Variants in ASF1B observed in about 807,000 individuals in gnomAD.
ASF1B encodes the protein anti-silencing function 1B histone chaperone, also known as histone chaperone ASF1B.
In ASF1B, 10 loss-of-function variants were observed where a neutral mutation model predicts 16.6. The ratio of observed to expected loss-of-function variants is 0.60; its 90% CI spans 0.37 to 1.02. The LOEUF (loss-of-function observed/expected upper bound fraction) is 1.02, where lower values mean the gene tolerates loss of function less well. Among genes scored for constraint, ASF1B ranks in the 50% least tolerant of loss-of-function variants. The probability of loss-of-function intolerance (pLI) is 0.01; values close to 1 mark genes in which losing one functional copy is unlikely to be tolerated. For synonymous variants in ASF1B, 101 were observed against 106.2 expected (o/e 0.95, Z 0.30); for missense variants, 240 against 266.0 (o/e 0.90, Z 0.68).
In ASF1B at chr19:14,126,207, G is replaced by A. The variant is rs1430857776; in HGVS notation, c.140C>T (p.Ser47Leu). The change falls in exon 2 of 4, where the codon TCG (serine) becomes TTG (leucine). Residue 47 changes from serine (S) to leucine (L), a missense_variant. Transcript: ENST00000263382. ...CTGATCAAATTCCTCACTCTCAGCC[G>A]AGCCAACATAAATGATCTTCCACTC... ...DLEWKIIYVG[S>L]AESEEFDQIL... 15 of 1,613,418 alleles carry A rather than the reference G, an allele frequency of 9.3e-6. No individual in the cohort carries two copies. The highest frequency in any genetic ancestry group is 1.7e-5 in the Admixed American group (1 of 60,020).
chr19:14,124,687 C>G (rs1260083690), intron 2 of ASF1B, among the ~76,000 whole-genome samples: 2 of 152,216 alleles, frequency 1.3e-5, no homozygotes, highest in East Asian at 3.8e-4. Flanking sequence ...CTGTTCCCAC[C>G]TGAGGTCAAA....
At chr19:14,120,842 C>T (rs1348774598) in intron 3 of ASF1B, among the ~76,000 whole-genome samples, 177 bp from the exon 4 acceptor site, 12 of 151,980 alleles carry the variant, frequency 7.9e-5, no homozygotes, top group South Asian at 2.1e-4. Context: ...TTTTTTGAGA[C>T]GGAGTTTTGC....
intron 1 of ASF1B, among the ~76,000 whole-genome samples, chr19:14,131,229 G>A (rs2144518321): frequency 6.7e-6 from 1 of 149,292 alleles, no homozygotes; most frequent in African/African-American, 2.5e-5. Flanking sequence ...CTGTCACCCA[G>A]GTTGGAGTGC....
chr19:14,134,494 G>A (rs1967455939), intron 1 of ASF1B, among the ~76,000 whole-genome samples: 1 of 151,782 alleles, frequency 6.6e-6, no homozygotes, highest in Non-Finnish European at 1.5e-5. Flanking sequence ...AGCATATCCT[G>A]GCTTCACAGG....
intron 1 of ASF1B, among the ~76,000 whole-genome samples, chr19:14,129,243 C>G (rs923188620): frequency 1.3e-5 from 2 of 151,824 alleles, no homozygotes; most frequent in South Asian, 4.2e-4. Flanking sequence ...GACAGAGACC[C>G]TATCTCAAAG....
intron 1 of ASF1B, among the ~76,000 whole-genome samples, chr19:14,128,397 G>C (rs888565043): frequency 6.6e-6 from 1 of 152,130 alleles, no homozygotes; most frequent in African/African-American, 2.4e-5. Flanking sequence ...GAACCCTATA[G>C]CAGGTCTGTA....
chr19:14,135,330 A>G (rs1301540924), intron 1 of ASF1B, among the ~76,000 whole-genome samples: 1 of 152,126 alleles, frequency 6.6e-6, no homozygotes, highest in East Asian at 1.9e-4. Flanking sequence ...AGAACTAGCT[A>G]ATGCCTGCCT....
Position 14,120,335 on chromosome 19 carries a change from G to T in ASF1B, c.*124C>A. 1 of 916,676 alleles carries T rather than the reference G, an allele frequency of 1.1e-6. No homozygotes were observed. Among genetic ancestry groups the T allele is most frequent in the Non-Finnish European group, 1.7e-6 (1 of 605,180 alleles). The allele number at this position is 916,676 out of a possible 1,614,324, so 56.8% of individuals were successfully genotyped here. Reference sequence around the variant, plus strand: ...ACCCAAGGCCTGTTCTTTCCTAGGGGCTGAGTTTGACAGACCTGGATTGCA... The same window carrying T: ...ACCCAAGGCCTGTTCTTTCCTAGGGTCTGAGTTTGACAGACCTGGATTGCA... On this transcript the variant is annotated 3_prime_UTR_variant, in exon 4 of 4. Transcript: ENST00000263382.
Position 14,120,262 on chromosome 19 carries a change from G to A in ASF1B, c.*197C>T. The A allele has an allele frequency of 5.3e-6, 3 of 567,650 alleles. No individual in the cohort carries two copies. The South Asian group carries it at 7.2e-5, about 14-fold the overall frequency. 35.2% of individuals were successfully genotyped at this position (567,650 alleles called of 1,614,324 possible). A position where few individuals can be genotyped will look rare whatever the true frequency, so the allele number is the denominator to read the frequency against. ...GAACTGAAGTACCTGCTTCTTATAGGCCTGTAGAGGAAAAGCGAGATCATC... is the reference window on the plus strand; with the variant it reads ...GAACTGAAGTACCTGCTTCTTATAGACCTGTAGAGGAAAAGCGAGATCATC... On this transcript the variant is annotated 3_prime_UTR_variant, in exon 4 of 4. Coordinates refer to ENST00000263382, the MANE Select transcript of ASF1B (RefSeq NM_018154.3).
chr19:14,128,118 G>A (rs1205966428), intron 1 of ASF1B, among the ~76,000 whole-genome samples: 1 of 151,400 alleles, frequency 6.6e-6, no homozygotes, highest in African/African-American at 2.5e-5. Flanking sequence ...GGTACAGGGA[G>A]GCTTGGCAAG....
At chr19:14,127,781 C>T (rs1273705506) in intron 1 of ASF1B, among the ~76,000 whole-genome samples, 2 of 151,894 alleles carry the variant, frequency 1.3e-5, no homozygotes, top group Non-Finnish European at 1.5e-5. Flanking sequence ...GGATTATAGG[C>T]GCCCGCCACC....
At chr19:14,133,297 G>A (rs1024964004) in intron 1 of ASF1B, among the ~76,000 whole-genome samples, 2 of 152,132 alleles carry the variant, frequency 1.3e-5, no homozygotes, top group African/African-American at 4.8e-5. Flanking sequence ...AAAGAATTTA[G>A]ATTCAAAACT....
intron 1 of ASF1B, among the ~76,000 whole-genome samples, chr19:14,130,559 T>C (rs1446003167): frequency 2.0e-5 from 3 of 151,700 alleles, no homozygotes; most frequent in Non-Finnish European, 2.9e-5. Flanking sequence ...CATACGTGTA[T>C]GATTTCATCT....
intron 2 of ASF1B, 75 bp from the exon 3 acceptor site, chr19:14,121,783 C>T: frequency 1.4e-6 from 2 of 1,379,616 alleles, no homozygotes; most frequent in Non-Finnish European, 2.0e-6. Context: ...GATTCCCAAG[C>T]ATCATGTATT....
chr19:14,122,433 A>G (rs999753043), intron 2 of ASF1B, among the ~76,000 whole-genome samples: 1 of 150,922 alleles, frequency 6.6e-6, no homozygotes, highest in African/African-American at 2.4e-5. Context: ...TGGCGCCATC[A>G]TGGCTCACTG....
intron 1 of ASF1B, among the ~76,000 whole-genome samples, chr19:14,128,600 A>G (rs1047809887): frequency 1.3e-5 from 2 of 152,166 alleles, no homozygotes; most frequent in African/African-American, 2.4e-5. Context: ...TTAGCCTCCC[A>G]AGTAGCTGGG....
chr19:14,130,605 C>T (rs868133988), intron 1 of ASF1B, among the ~76,000 whole-genome samples: 1 of 151,456 alleles, frequency 6.6e-6, no homozygotes, highest in African/African-American at 2.4e-5. Context: ...ATACATGGGA[C>T]ACAAATCACC....
chr19:14,136,263 G>GATCA, intron 1 of ASF1B, 85 bp downstream of exon 1: 3 of 1,135,448 alleles, frequency 2.6e-6, no homozygotes, highest in Non-Finnish European at 3.8e-6. Context: ...TCATGGGGGA[G>GATCA]ATCAAGTTGG....
intron 1 of ASF1B, among the ~76,000 whole-genome samples, chr19:14,135,820 T>C (rs1369473971): frequency 6.6e-6 from 1 of 151,112 alleles, no homozygotes; most frequent in Non-Finnish European, 1.5e-5. Context: ...GGTGTGAGTA[T>C]CTCACTACAG....
Sources: allele counts gnomAD v4.1 joint callset (sites outside exome capture counted in the v4.1 genomes callset), GRCh38; gene constraint gnomAD v4.1.1; transcripts MANE v1.5; gene names NCBI Gene and HGNC (gene_info 2026-07-23, HGNC 2026-07-21).